The following CNTN5 variants were observed in gnomAD, a reference collection of about 807,000 sequenced individuals.
The protein encoded by CNTN5 is contactin-5.
Under a neutral mutation model 129.1 loss-of-function variants are expected in CNTN5, and 77 were observed. The ratio of observed to expected loss-of-function variants is 0.60; its 90% CI spans 0.50 to 0.72. CNTN5 has a LOEUF of 0.72. Among genes scored for constraint, CNTN5 ranks in the 30% least tolerant of loss-of-function variants. The pLI, the probability that CNTN5 is intolerant of heterozygous loss-of-function variation, is 0.00. For synonymous variants in CNTN5, 509 were observed against 465.6 expected (o/e 1.09, Z -1.20); for missense variants, 1,478 against 1,328.8 (o/e 1.11, Z -1.75).
intron 6 of CNTN5, among the ~76,000 whole-genome samples, chr11:99,898,739 A>G (rs1338498222): frequency 2.6e-5 from 4 of 151,862 alleles, no homozygotes; most frequent in African/African-American, 9.7e-5. Flanking sequence ...GCTTTATGAA[A>G]TCTTACTACT....
At chr11:99,475,039 TTA>T in intron 2 of CNTN5, among the ~76,000 whole-genome samples, 1 of 149,776 alleles carries the variant, frequency 6.7e-6, no homozygotes, top group Admixed American at 6.6e-5. Context: ...GAATGTGGGA[TTA>T]GACCATGTAA....
intron 13 of CNTN5, among the ~76,000 whole-genome samples, chr11:100,185,057 T>G (rs1475528870): frequency 1.3e-5 from 2 of 152,126 alleles, no homozygotes; most frequent in Non-Finnish European, 2.9e-5. Context: ...TTCCCTTTTC[T>G]CCATGATTAG....
chr11:100,024,607 G>A (rs1267161720), intron 9 of CNTN5, among the ~76,000 whole-genome samples: 1 of 152,166 alleles, frequency 6.6e-6, no homozygotes, highest in Non-Finnish European at 1.5e-5. Flanking sequence ...TAGTGATATG[G>A]ACGATGAAGT....
intron 2 of CNTN5, among the ~76,000 whole-genome samples, chr11:99,335,836 G>A (rs1196553711): frequency 6.6e-6 from 1 of 152,156 alleles, no homozygotes; most frequent in Non-Finnish European, 1.5e-5. Context: ...GAAGCAGGAT[G>A]AGACTCGGAC....
chr11:99,831,483 C>T (rs1183339439), intron 4 of CNTN5, among the ~76,000 whole-genome samples: 1 of 152,174 alleles, frequency 6.6e-6, no homozygotes, highest in Non-Finnish European at 1.5e-5. Flanking sequence ...TTGACCAGTG[C>T]CGGCTGTTGG....
chr11:99,318,822 A>G lies in CNTN5; in HGVS notation c.-209-6524A>G, dbSNP rs190140511. 7.7e-4 allele frequency among the ~76,000 whole-genome samples: 117 copies of G among 152,316 alleles called. 1 individual carries two copies. The highest frequency in any genetic ancestry group is 4.5e-3 in the Admixed American group (69 of 15,294). ...GGTGATCCACCTGGTATCATTAAAC[A>G]TTGACTCCATATCATGAATGGTTCA... On this transcript the variant is annotated intron_variant, in intron 1 of 24. Coordinates refer to ENST00000524871, the MANE Select transcript of CNTN5 (RefSeq NM_014361.4).
chr11:99,562,952 A>G (rs922090578), intron 3 of CNTN5, among the ~76,000 whole-genome samples: 2 of 152,218 alleles, frequency 1.3e-5, no homozygotes, highest in Non-Finnish European at 2.9e-5. Context: ...TCATTCTTGC[A>G]TGGATGACAT....
In CNTN5 at chr11:100,072,990, C is replaced by CAAAAAAAAAAAAAAAAAAA. The variant is rs61042118; in HGVS notation, c.1430-1151_1430-1133dup. The stretch of plus-strand genomic sequence containing the variant: ...TTTTGTAAATTCTATTCCCAGGAGG[C>CAAAAAAAAAAAAAAAAAAA]AAAAAAAAAAAAAAAAAAAAAGTTA... On this transcript the variant is annotated intron_variant, in intron 12 of 24. Coordinates refer to ENST00000524871, the MANE Select transcript of CNTN5 (RefSeq NM_014361.4). Among the ~76,000 whole-genome samples, 77 of 79,064 alleles carry CAAAAAAAAAAAAAAAAAAA rather than the reference C, an allele frequency of 9.7e-4. 13 individuals carry two copies. The highest frequency in any genetic ancestry group is 4.4e-3 in the African/African-American group (72 of 16,512). The allele number at this position is 79,064 out of a possible 152,430, so 51.9% of individuals were successfully genotyped here. A position where few individuals can be genotyped will look rare whatever the true frequency, so the allele number is the denominator to read the frequency against.
chr11:99,791,772 C>T (rs903104867), intron 3 of CNTN5, among the ~76,000 whole-genome samples: 1 of 151,828 alleles, frequency 6.6e-6, no homozygotes, highest in Non-Finnish European at 1.5e-5. Flanking sequence ...TTTGTCTTTT[C>T]TGATTTCTTA....
chr11:99,393,873 G>A (rs1369308785), intron 2 of CNTN5, among the ~76,000 whole-genome samples: 1 of 151,704 alleles, frequency 6.6e-6, no homozygotes, highest in Non-Finnish European at 1.5e-5. Context: ...ACACTAAATT[G>A]TAAGATAAAA....
intron 6 of CNTN5, among the ~76,000 whole-genome samples, chr11:99,876,375 A>G (rs939051472): frequency 6.6e-6 from 1 of 152,138 alleles, no homozygotes. Flanking sequence ...TTGATGTTCT[A>G]GTCTTGATCC....
chr11:100,109,181 A>C (rs987854343), intron 13 of CNTN5, among the ~76,000 whole-genome samples: 1 of 152,158 alleles, frequency 6.6e-6, no homozygotes, highest in African/African-American at 2.4e-5. Flanking sequence ...TCATCCCAGC[A>C]CTTTGGGAGG....
At chr11:99,036,948 G>C (rs1863765578) in intron 1 of CNTN5, among the ~76,000 whole-genome samples, 1 of 152,142 alleles carries the variant, frequency 6.6e-6, no homozygotes, top group Admixed American at 6.5e-5. Context: ...GCAGCAAGAG[G>C]TCAATCTAAA....
At chr11:99,064,307 A>G (rs1865011926) in intron 1 of CNTN5, among the ~76,000 whole-genome samples, 1 of 152,148 alleles carries the variant, frequency 6.6e-6, no homozygotes, top group South Asian at 2.1e-4. Flanking sequence ...CATGGGCATG[A>G]TTTGCCAATT....
At chr11:99,795,427 C>A (rs1199756045) in intron 3 of CNTN5, among the ~76,000 whole-genome samples, 1 of 152,096 alleles carries the variant, frequency 6.6e-6, no homozygotes, top group South Asian at 2.1e-4. Context: ...GTCATTTCAG[C>A]CATTTCAGCC....
intron 1 of CNTN5, among the ~76,000 whole-genome samples, chr11:99,284,647 GTGTGTGTGTGTGTGGT>G (rs1233223210): frequency 1.7e-5 from 2 of 119,198 alleles, no homozygotes; most frequent in African/African-American, 6.7e-5. Context: ...GTGTGTGTGT[GTGTGTGTGTGTGTGGT>G]GTGTGTATGA....
chr11:99,914,741 T>A (rs1385906511), intron 6 of CNTN5, among the ~76,000 whole-genome samples: 1 of 152,132 alleles, frequency 6.6e-6, no homozygotes, highest in Non-Finnish European at 1.5e-5. Flanking sequence ...TGAATACTTC[T>A]CTGTTTCTTT....
intron 13 of CNTN5, among the ~76,000 whole-genome samples, chr11:100,126,926 T>C (rs1176929971): frequency 1.3e-5 from 2 of 151,862 alleles, no homozygotes; most frequent in Admixed American, 6.6e-5. Flanking sequence ...ACCACTCTTT[T>C]TTTTCTCTTT....
At chr11:99,431,497 AT>A (rs1322147783) in intron 2 of CNTN5, among the ~76,000 whole-genome samples, 1 of 152,176 alleles carries the variant, frequency 6.6e-6, no homozygotes, top group African/African-American at 2.4e-5. Context: ...TTAGATCTCA[AT>A]GAAATTTGGG....
Sources: gnomAD v4.1 joint callset for allele counts (sites outside exome capture counted in the v4.1 genomes callset) on GRCh38, gnomAD v4.1.1 for gene constraint, MANE v1.5 for transcripts, NCBI Gene and HGNC (gene_info 2026-07-23, HGNC 2026-07-21) for gene names.